Variants in MAPRE2 observed in about 807,000 individuals in gnomAD.
The protein encoded by MAPRE2 is microtubule associated protein RP/EB family member 2, also known as microtubule-associated protein RP/EB family member 2.
A neutral mutation model predicts 43.2 loss-of-function variants in MAPRE2; 13 were observed. The ratio of observed to expected loss-of-function variants is 0.30; its 90% CI spans 0.20 to 0.48. The LOEUF (loss-of-function observed/expected upper bound fraction) is 0.48, where lower values mean the gene tolerates loss of function less well. Among genes scored for constraint, MAPRE2 ranks in the 20% least tolerant of loss-of-function variants. MAPRE2 has a pLI of 0.99. For synonymous variants in MAPRE2, 135 were observed against 148.8 expected (o/e 0.91, Z 0.68); for missense variants, 161 against 400.2 (o/e 0.40, Z 5.10).
intron 2 of MAPRE2, among the ~76,000 whole-genome samples, chr18:35,016,956 T>A (rs909829789): frequency 1.3e-5 from 2 of 152,068 alleles, no homozygotes; most frequent in African/African-American, 4.8e-5. Context: ...CTTTAATCCA[T>A]CTTGAGTTAA....
At chr18:35,111,373 G>A (rs1177461572) in intron 4 of MAPRE2, among the ~76,000 whole-genome samples, 1 of 152,084 alleles carries the variant, frequency 6.6e-6, no homozygotes, top group Non-Finnish European at 1.5e-5. Context: ...TGCTTTGAAA[G>A]TTTTTGTCTG....
At chr18:35,123,947 T>C (rs1262073626) in intron 4 of MAPRE2, among the ~76,000 whole-genome samples, 2 of 152,100 alleles carry the variant, frequency 1.3e-5, no homozygotes, top group South Asian at 2.1e-4. Flanking sequence ...GTGGAAAGTG[T>C]TCAGGGCACT....
At chr18:35,014,712 C>T (rs914344939) in intron 2 of MAPRE2, among the ~76,000 whole-genome samples, 1 of 152,030 alleles carries the variant, frequency 6.6e-6, no homozygotes, top group Non-Finnish European at 1.5e-5. Flanking sequence ...GATCATTGAT[C>T]AGAGTGAAAC....
chr18:35,136,251 C>T (rs1474027940), intron 6 of MAPRE2, among the ~76,000 whole-genome samples: 1 of 152,166 alleles, frequency 6.6e-6, no homozygotes, highest in Non-Finnish European at 1.5e-5. Flanking sequence ...TTACCTGCTC[C>T]CTGTGGATTC....
chr18:35,011,024 C>A (rs546725469), intron 2 of MAPRE2, among the ~76,000 whole-genome samples: 83 of 152,246 alleles, frequency 5.5e-4, no homozygotes, highest in Non-Finnish European at 9.8e-4. Context: ...TAAGCTTCTA[C>A]CATGGCTCCA....
At chr18:34,995,479 C>T (rs2097026028) in intron 1 of MAPRE2, among the ~76,000 whole-genome samples, 1 of 152,086 alleles carries the variant, frequency 6.6e-6, no homozygotes, top group Non-Finnish European at 1.5e-5. Flanking sequence ...GAAAAAATAA[C>T]AAATTTTTGT....
intron 2 of MAPRE2, among the ~76,000 whole-genome samples, chr18:35,083,028 C>G (rs1907715771): frequency 6.6e-6 from 1 of 152,056 alleles, no homozygotes; most frequent in Non-Finnish European, 1.5e-5. Flanking sequence ...TTTAACATTG[C>G]TAAATAAACA....
intron 2 of MAPRE2, among the ~76,000 whole-genome samples, chr18:35,032,265 A>T (rs2097048190): frequency 6.6e-6 from 1 of 152,194 alleles, no homozygotes; most frequent in Non-Finnish European, 1.5e-5. Flanking sequence ...GGAAGCCCCG[A>T]TCTAAGGTGA....
Position 34,985,604 on chromosome 18 carries a change from GATATATTATAATAATATATAACAT to G in MAPRE2, c.-70+8552_-70+8575del, listed in dbSNP as rs1161861004. Among the ~76,000 whole-genome samples the G allele has an allele frequency of 1.9e-3, 141 of 75,006 alleles. 2 individuals are homozygous for G. The highest frequency in any genetic ancestry group is 7.4e-3 in the African/African-American group (138 of 18,688). The allele number at this position is 75,006 out of a possible 152,430, so 49.2% of individuals were successfully genotyped here. On this transcript the variant is annotated intron_variant, in intron 1 of 7. Coordinates refer to the MAPRE2 transcript ENST00000413393. ...CTATAAACTATAATATATAACATAT[GATATATTATAATAATATATAACAT>G]ATATATTATAATAATATATAACATA...
chr18:35,061,542 A>G (rs915370587), intron 1 of MAPRE2, among the ~76,000 whole-genome samples: 1 of 152,128 alleles, frequency 6.6e-6, no homozygotes, highest in Non-Finnish European at 1.5e-5. Context: ...ATCCCATCAC[A>G]GTCATAGAGC....
At chr18:35,083,334 CT>C (rs1311105465) in intron 2 of MAPRE2, among the ~76,000 whole-genome samples, 3 of 152,022 alleles carry the variant, frequency 2.0e-5, no homozygotes, top group Non-Finnish European at 4.4e-5. Context: ...CTTTATGAAA[CT>C]TTCTATTTTC....
At chr18:35,032,674 GT>G (rs920397081) in intron 2 of MAPRE2, among the ~76,000 whole-genome samples, 2 of 151,162 alleles carry the variant, frequency 1.3e-5, no homozygotes, top group African/African-American at 2.4e-5. Context: ...CTCTTCCTGG[GT>G]TTTTTTTTGT....
intron 1 of MAPRE2, among the ~76,000 whole-genome samples, chr18:34,980,031 C>CTTTTTT (rs796434537): frequency 8.0e-4 from 37 of 46,116 alleles, no homozygotes; most frequent in African/African-American, 1.5e-3. Flanking sequence ...TTCTTTTTTT[C>CTTTTTT]TTTTTTTTTT....
rs2144267623 is a variant in MAPRE2 at position 35,140,483 on chromosome 18, A to G, written c.*114A>G. The stretch of plus-strand genomic sequence containing the variant: ...AACCAGTTGTTCCCAATCTGCCGTT[A>G]CCATCAACGCACTGTTGCATATGCC... On this transcript the variant is annotated 3_prime_UTR_variant, in exon 7 of 7. Coordinates refer to ENST00000300249, the MANE Select transcript of MAPRE2 (RefSeq NM_014268.4). 3.9e-6 allele frequency: 4 copies of G among 1,027,786 alleles called. No homozygotes were observed. In the East Asian group the frequency reaches 1.1e-4, roughly 27 times the overall value. 63.7% of individuals were successfully genotyped at this position (1,027,786 alleles called of 1,614,324 possible).
At position 35,110,908 on chromosome 18, in the gene MAPRE2, A is replaced by G. The variant is rs117537364; in HGVS notation, c.610+8749A>G. Among the ~76,000 whole-genome samples the G allele has an allele frequency of 4.3e-3, 656 of 152,300 alleles. 2 individuals carry two copies. The highest frequency in any genetic ancestry group is 6.8e-3 in the Non-Finnish European group (460 of 67,996). ...ATCTTTGGTTTTGAGTAGTGCGACTATGATGTGCCTAATTATGGTTCTGTT... is the reference window on the plus strand; with the variant it reads ...ATCTTTGGTTTTGAGTAGTGCGACTGTGATGTGCCTAATTATGGTTCTGTT... On this transcript the variant is annotated intron_variant, in intron 4 of 6. Coordinates refer to ENST00000300249, the MANE Select transcript of MAPRE2 (RefSeq NM_014268.4).
chr18:35,019,168 T>G (rs1460464369), intron 2 of MAPRE2, among the ~76,000 whole-genome samples: 1 of 152,046 alleles, frequency 6.6e-6, no homozygotes, highest in African/African-American at 2.4e-5. Flanking sequence ...GATTTCTATT[T>G]TTATTCCACT....
At chr18:34,981,440 T>G (rs2097016156) in intron 1 of MAPRE2, among the ~76,000 whole-genome samples, 1 of 151,886 alleles carries the variant, frequency 6.6e-6, no homozygotes, top group Non-Finnish European at 1.5e-5. Context: ...TCTCAGAGTA[T>G]GATATATACC....
At chr18:35,083,203 A>C (rs1293444843) in intron 2 of MAPRE2, among the ~76,000 whole-genome samples, 1 of 152,294 alleles carries the variant, frequency 6.6e-6, no homozygotes, top group South Asian at 2.1e-4. Context: ...TTGACCTTAC[A>C]TATTTAATCA....
At chr18:35,070,431 G>A (rs1458635881) in intron 2 of MAPRE2, 109 bp downstream of exon 2, 4 of 933,544 alleles carry the variant, frequency 4.3e-6, no homozygotes, top group Non-Finnish European at 6.0e-6. Flanking sequence ...AGTATATATT[G>A]CTATTGGCAT....
Sources: allele counts gnomAD v4.1 joint callset (sites outside exome capture counted in the v4.1 genomes callset), GRCh38; gene constraint gnomAD v4.1.1; transcripts MANE v1.5; gene names NCBI Gene and HGNC (gene_info 2026-07-23, HGNC 2026-07-21).